JMJD1C: variants seen among roughly 807,000 people sequenced by gnomAD.
JMJD1C encodes the protein jumonji domain-containing protein 1C.
Under a neutral mutation model 245.3 loss-of-function variants are expected in JMJD1C, and 31 were observed. That is an observed-to-expected ratio of 0.13 (90% CI 0.09 to 0.17). The LOEUF is 0.17. Ranked by LOEUF, JMJD1C falls within the 10% of genes least tolerant of loss-of-function variation. JMJD1C has a pLI of 1.00. For missense variants in JMJD1C, 2,691 were observed against 3,000.2 expected (o/e 0.90, Z 2.41); for synonymous variants, 1,057 against 1,017.4 (o/e 1.04, Z -0.74).
chr10:63,396,931 T>C (rs866299845), intron 1 of JMJD1C, among the ~76,000 whole-genome samples: 2 of 127,238 alleles, frequency 1.6e-5, no homozygotes, highest in Non-Finnish European at 3.4e-5. Flanking sequence ...GGTTTTTGGT[T>C]TTTTTTTTTT....
At chr10:63,255,435 T>C (rs184647314) in intron 3 of JMJD1C, among the ~76,000 whole-genome samples, 10 of 152,270 alleles carry the variant, frequency 6.6e-5, no homozygotes, top group South Asian at 6.2e-4. Context: ...GCAGTATCTA[T>C]GAGTTAGCAG....
At chr10:63,225,712 G>A (rs1224849974) in intron 3 of JMJD1C, among the ~76,000 whole-genome samples, 1 of 151,578 alleles carries the variant, frequency 6.6e-6, no homozygotes, top group Non-Finnish European at 1.5e-5. Flanking sequence ...CCGGGAGGTA[G>A]AGGATGCAGT....
In JMJD1C at chr10:63,176,313, G is replaced by A. The variant is rs200914400; in HGVS notation, c.7385C>T (p.Ala2462Val). The A allele has an allele frequency of 6.2e-6, 10 of 1,611,330 alleles. No individual in the cohort carries two copies. Among genetic ancestry groups the A allele is most frequent in the African/African-American group, 1.3e-5 (1 of 74,804 alleles). ...TGTATATACCTGATGAAGTGCTCCC[G>A]CTGGCAAAACAATAGCATCACCAAG... ...QFLGDAIVLP[A>V]GALHQVQNFH... The change falls in exon 24 of 26, where the codon GCG (alanine) becomes GTG (valine). Residue 2462 changes from alanine (A) to valine (V), a missense_variant. Transcript: ENST00000399262.
At chr10:63,251,621 G>C (rs1158077699) in intron 3 of JMJD1C, among the ~76,000 whole-genome samples, 1 of 152,170 alleles carries the variant, frequency 6.6e-6, no homozygotes, top group Admixed American at 6.5e-5. Context: ...GGAGGAAGCA[G>C]AACTATTATA....
Position 63,420,451 on chromosome 10 carries a change from A to T in JMJD1C, c.169-39969T>A, listed in dbSNP as rs1950054946. Among the ~76,000 whole-genome samples the T allele has an allele frequency of 2.0e-5, 3 of 152,222 alleles. No individual in the cohort carries two copies. In the South Asian group the frequency reaches 6.2e-4, roughly 32 times the overall value. Reference sequence around the variant, plus strand: ...GGGGCTCACATTCTGTAATCCCAGCAGTTTGGGAGGCAGAGGCAGGTGTAG... The same window carrying T: ...GGGGCTCACATTCTGTAATCCCAGCTGTTTGGGAGGCAGAGGCAGGTGTAG... On this transcript the variant is annotated intron_variant, in intron 1 of 25. Coordinates refer to ENST00000399262, the MANE Select transcript of JMJD1C (RefSeq NM_032776.3).
chr10:63,220,100 C>A, intron 3 of JMJD1C, 117 bp from the exon 4 acceptor site: 4 of 604,006 alleles, frequency 6.6e-6, no homozygotes, highest in South Asian at 3.1e-5. Flanking sequence ...TAAATGTATG[C>A]AAAAACACAA....
At chr10:63,280,567 G>C (rs1350826271) in intron 2 of JMJD1C, among the ~76,000 whole-genome samples, 1 of 151,946 alleles carries the variant, frequency 6.6e-6, no homozygotes, top group Non-Finnish European at 1.5e-5. Context: ...AAAAGATTCT[G>C]AATGAAAATT....
At chr10:63,418,381 A>T (rs1218871182) in intron 1 of JMJD1C, among the ~76,000 whole-genome samples, 1 of 152,190 alleles carries the variant, frequency 6.6e-6, no homozygotes, top group Admixed American at 6.5e-5. Context: ...CCCTTTAACC[A>T]CATTTAAGAG....
chr10:63,243,105 A>T (rs907198434), intron 3 of JMJD1C, among the ~76,000 whole-genome samples: 9 of 105,886 alleles, frequency 8.5e-5, no homozygotes, highest in African/African-American at 3.0e-4. Flanking sequence ...AACATAAATT[A>T]TATATATATA....
rs35442695 is a variant in JMJD1C at position 63,277,731 on chromosome 10, C to CTTTTTTTTTTT, written c.334-12978_334-12968dup. Among the ~76,000 whole-genome samples, 553 of 64,262 alleles carry CTTTTTTTTTTT rather than the reference C, an allele frequency of 8.6e-3. 91 individuals carry two copies. The highest frequency in any genetic ancestry group is 0.016 in the East Asian group (28 of 1,746). The allele number at this position is 64,262 out of a possible 152,430, so 42.2% of individuals were successfully genotyped here. ...TATTCATTGAGAGTAATTTGCATTTCTTTTTTTTTTTTTTTTTTTTTTTTG... is the reference window on the plus strand; with the variant it reads ...TATTCATTGAGAGTAATTTGCATTTCTTTTTTTTTTTTTTTTTTTTTTTTTTTTTTTTTTTG... On this transcript the variant is annotated intron_variant, in intron 2 of 25. Coordinates refer to ENST00000399262, the MANE Select transcript of JMJD1C (RefSeq NM_032776.3).
At chr10:63,480,345 G>A (rs886621406) in intron 1 of JMJD1C, among the ~76,000 whole-genome samples, 1 of 148,116 alleles carries the variant, frequency 6.8e-6, no homozygotes, top group Admixed American at 6.7e-5. Flanking sequence ...TTTTGAGGCA[G>A]TCTCATTTTG....
At chr10:63,400,412 T>C (rs777820752) in intron 1 of JMJD1C, among the ~76,000 whole-genome samples, 10 of 152,186 alleles carry the variant, frequency 6.6e-5, no homozygotes, top group African/African-American at 1.7e-4. Flanking sequence ...GTGTTGTCCA[T>C]TGAGGGAAGA....
At chr10:63,498,220 G>A (rs1441098402) in intron 1 of JMJD1C, among the ~76,000 whole-genome samples, 1 of 152,134 alleles carries the variant, frequency 6.6e-6, no homozygotes, top group Admixed American at 6.5e-5. Flanking sequence ...TAAGTTTGAG[G>A]ATGGGAGCAA....
chr10:63,263,933 G>GA (rs1225176795), intron 3 of JMJD1C, among the ~76,000 whole-genome samples: 4,009 of 62,676 alleles, frequency 0.064, 374 homozygotes, highest in Non-Finnish European at 0.076. Flanking sequence ...CTCCATCACG[G>GA]AAAAAAAAAA....
At chr10:63,382,800 A>T (rs769388468) in intron 1 of JMJD1C, 1 of 455,664 alleles carries the variant, frequency 2.2e-6, no homozygotes, top group Admixed American at 2.4e-5. Context: ...GCTCCCTTAC[A>T]CCTGAAGAGT....
intron 1 of JMJD1C, among the ~76,000 whole-genome samples, chr10:63,409,150 A>T (rs1389941349): frequency 6.6e-6 from 1 of 152,210 alleles, no homozygotes; most frequent in Admixed American, 6.5e-5. Context: ...AATTTCTCAA[A>T]TTACTAATGT....
intron 3 of JMJD1C, among the ~76,000 whole-genome samples, chr10:63,252,633 T>C (rs747749729): frequency 3.3e-5 from 5 of 152,104 alleles, no homozygotes; most frequent in South Asian, 2.1e-4. Flanking sequence ...ACAACCCCAC[T>C]TGCCACATCC....
chr10:63,274,203 T>C (rs574034423), intron 2 of JMJD1C, among the ~76,000 whole-genome samples: 1 of 152,348 alleles, frequency 6.6e-6, no homozygotes, highest in African/African-American at 2.4e-5. Context: ...CAATAAGCCA[T>C]ACTGTAAAAT....
chr10:63,351,244 AATTTTGGT>A (rs2134289550), intron 2 of JMJD1C, among the ~76,000 whole-genome samples: 1 of 151,944 alleles, frequency 6.6e-6, no homozygotes, highest in South Asian at 2.1e-4. Flanking sequence ...ACGCCCAGCT[AATTTTGGT>A]ATTTATAGTG....
Sources: allele counts gnomAD v4.1 joint callset (sites outside exome capture counted in the v4.1 genomes callset), GRCh38; gene constraint gnomAD v4.1.1; transcripts MANE v1.5; gene names NCBI Gene and HGNC (gene_info 2026-07-23, HGNC 2026-07-21).